Variants in WDR7 observed in about 807,000 individuals in gnomAD.
The protein encoded by WDR7 is WD repeat-containing protein 7.
In WDR7, 46 loss-of-function variants were observed where a neutral mutation model predicts 169.4. The observed-to-expected ratio is 0.27, with a 90% CI of 0.21 to 0.35. The LOEUF (loss-of-function observed/expected upper bound fraction) is 0.35, where lower values mean the gene tolerates loss of function less well. Ranked by LOEUF, WDR7 falls within the 10% of genes least tolerant of loss-of-function variation. The probability of loss-of-function intolerance (pLI) is 1.00; values close to 1 mark genes in which losing one functional copy is unlikely to be tolerated. For synonymous variants in WDR7, 612 were observed against 666.8 expected (o/e 0.92, Z 1.27); for missense variants, 1,534 against 1,859.3 (o/e 0.83, Z 3.22).
chr18:56,843,816 C>G (rs2045523398), intron 20 of WDR7, among the ~76,000 whole-genome samples: 1 of 151,214 alleles, frequency 6.6e-6, no homozygotes, highest in African/African-American at 2.4e-5. Context: ...GTCTCAGTTT[C>G]TCCACATCCT....
downstream of WDR7, chr18:57,032,804 TA>T (rs1246561467): frequency 0.083 from 918 of 11,060 alleles, 29 homozygotes; most frequent in African/African-American, 0.29. Context: ...AATTATTTTA[TA>T]TATATATATA....
chr18:56,822,808 GTTTT>G (rs1311778944), intron 20 of WDR7, among the ~76,000 whole-genome samples: 1 of 151,954 alleles, frequency 6.6e-6, no homozygotes, highest in Non-Finnish European at 1.5e-5. Flanking sequence ...TATGGTTTTT[GTTTT>G]TTAACTCTGC....
At chr18:56,880,542 C>T (rs2046092716) in intron 21 of WDR7, among the ~76,000 whole-genome samples, 1 of 152,122 alleles carries the variant, frequency 6.6e-6, no homozygotes, top group Non-Finnish European at 1.5e-5. Context: ...GGTGGAACAC[C>T]AGTCTTTTCT....
intron 19 of WDR7, among the ~76,000 whole-genome samples, chr18:56,792,612 GT>G (rs71169398): frequency 0.068 from 9,101 of 134,008 alleles, 391 homozygotes; most frequent in African/African-American, 0.17. Context: ...TTAAATCTTT[GT>G]TTTTTTTTTT....
At chr18:56,974,885 T>C (rs1471633831) in intron 26 of WDR7, among the ~76,000 whole-genome samples, 2 of 152,138 alleles carry the variant, frequency 1.3e-5, no homozygotes, top group African/African-American at 2.4e-5. Flanking sequence ...TGTGACAGTC[T>C]GCAGAGGAGG....
intron 1 of WDR7, among the ~76,000 whole-genome samples, chr18:56,657,317 C>A (rs1165228527): frequency 6.6e-6 from 1 of 151,944 alleles, no homozygotes; most frequent in Admixed American, 6.6e-5. Context: ...GCCAGGACAC[C>A]CGGCCAATTT....
chr18:56,790,952 C>T (rs1213212401), intron 19 of WDR7, among the ~76,000 whole-genome samples: 1 of 152,122 alleles, frequency 6.6e-6, no homozygotes, highest in African/African-American at 2.4e-5. Context: ...CCAACCCAGT[C>T]ATCTGTAACA....
At chr18:56,686,743 T>C in intron 6 of WDR7, 112 bp from the exon 7 acceptor site, 1 of 915,312 alleles carries the variant, frequency 1.1e-6, no homozygotes, top group Non-Finnish European at 1.7e-6. Flanking sequence ...GGGGCTAAAA[T>C]GATGAACATA....
At chr18:56,659,008 G>A (rs1335040410) in intron 1 of WDR7, among the ~76,000 whole-genome samples, 1 of 152,084 alleles carries the variant, frequency 6.6e-6, no homozygotes. Flanking sequence ...GAGCCACCGC[G>A]CCCGGCCCCC....
At chr18:56,812,657 A>G (rs999249115) in intron 19 of WDR7, among the ~76,000 whole-genome samples, 2 of 152,178 alleles carry the variant, frequency 1.3e-5, no homozygotes, top group Non-Finnish European at 2.9e-5. Context: ...GAGAACCTAC[A>G]GGGTTGCTGG....
At chr18:57,026,981 C>T (rs767211805) in intron 27 of WDR7, 23 bp from the exon 28 acceptor site, 7 of 1,607,004 alleles carry the variant, frequency 4.4e-6, no homozygotes, top group Middle Eastern at 1.7e-4. Flanking sequence ...TCAAGTGACA[C>T]ATGTGCTCTC....
At chr18:57,006,876 C>T (rs562170552) in intron 26 of WDR7, among the ~76,000 whole-genome samples, 4 of 151,946 alleles carry the variant, frequency 2.6e-5, no homozygotes, top group Non-Finnish European at 5.9e-5. Flanking sequence ...ATCTGCATAT[C>T]TAAGTGAGCA....
At chr18:56,920,752 T>C (rs1295899100) in intron 21 of WDR7, among the ~76,000 whole-genome samples, 1 of 152,230 alleles carries the variant, frequency 6.6e-6, no homozygotes, top group Non-Finnish European at 1.5e-5. Context: ...GATTAAAGTA[T>C]ACAACTTTTA....
chr18:56,725,226 C>A (rs2026418579), intron 13 of WDR7, among the ~76,000 whole-genome samples: 1 of 150,724 alleles, frequency 6.6e-6, no homozygotes, highest in Non-Finnish European at 1.5e-5. Context: ...GAGGAATCAC[C>A]ACACTGTCTT....
chr18:56,664,277 CAT>C (rs1280007834), intron 1 of WDR7, among the ~76,000 whole-genome samples: 2 of 152,196 alleles, frequency 1.3e-5, no homozygotes, highest in East Asian at 3.9e-4. Flanking sequence ...GACTAGAGTA[CAT>C]GAGGCCTTTA....
intron 20 of WDR7, among the ~76,000 whole-genome samples, chr18:56,821,965 C>G (rs1188948357): frequency 6.6e-6 from 1 of 152,276 alleles, no homozygotes; most frequent in South Asian, 2.1e-4. Flanking sequence ...AACCACTGCA[C>G]TCCAGACTGG....
chr18:56,756,204 G>T (rs911560735), intron 14 of WDR7, among the ~76,000 whole-genome samples: 2 of 152,158 alleles, frequency 1.3e-5, no homozygotes, highest in South Asian at 4.1e-4. Context: ...CAGGAGCCAC[G>T]ATAAACGGAT....
chr18:56,692,905 C>CA (rs113840473), intron 9 of WDR7, among the ~76,000 whole-genome samples: 69 of 145,178 alleles, frequency 4.8e-4, no homozygotes, highest in East Asian at 2.0e-3. Flanking sequence ...CCCATCTCTA[C>CA]AAAAAAAAAA....
chr18:56,803,063 T>C (rs781067846), intron 19 of WDR7, among the ~76,000 whole-genome samples: 1 of 152,204 alleles, frequency 6.6e-6, no homozygotes, highest in Admixed American at 6.5e-5. Context: ...ATCTTATTAG[T>C]TTTGCCTATA....
Sources: gnomAD v4.1 joint callset for allele counts (sites outside exome capture counted in the v4.1 genomes callset) on GRCh38, gnomAD v4.1.1 for gene constraint, MANE v1.5 for transcripts, NCBI Gene and HGNC (gene_info 2026-07-23, HGNC 2026-07-21) for gene names.